The following SSBP2 variants were observed in gnomAD, a reference collection of about 807,000 sequenced individuals.
SSBP2 encodes single stranded DNA binding protein 2, also known as single-stranded DNA-binding protein 2.
A neutral mutation model predicts 61.8 loss-of-function variants in SSBP2; 17 were observed. The observed-to-expected ratio is 0.28, with a 90% confidence interval of 0.19 to 0.41. The LOEUF (loss-of-function observed/expected upper bound fraction) is 0.41. Among genes scored for constraint, SSBP2 ranks in the 10% least tolerant of loss-of-function variants. The pLI is 1.00. For synonymous variants in SSBP2, 139 were observed against 141.3 expected (o/e 0.98, Z 0.12); for missense variants, 310 against 458.7 (o/e 0.68, Z 2.96).
chr5:81,524,115 C>T (rs970036286), intron 4 of SSBP2, among the ~76,000 whole-genome samples: 1 of 151,920 alleles, frequency 6.6e-6, no homozygotes, highest in African/African-American at 2.4e-5. Flanking sequence ...TATAGTCATC[C>T]CTTAGGAAAA....
chr5:81,696,183 C>T (rs752823996), intron 1 of SSBP2, among the ~76,000 whole-genome samples: 11 of 152,186 alleles, frequency 7.2e-5, no homozygotes, highest in Non-Finnish European at 1.5e-4. Context: ...CTTCCCCACT[C>T]CTGACTCCAC....
At chr5:81,749,985 C>T (rs1467164081) in intron 1 of SSBP2, among the ~76,000 whole-genome samples, 1 of 152,100 alleles carries the variant, frequency 6.6e-6, no homozygotes, top group African/African-American at 2.4e-5. Flanking sequence ...TCCTCGGGCG[C>T]CCCCGGCGGC....
At chr5:81,600,108 G>C (rs554851275) in intron 4 of SSBP2, among the ~76,000 whole-genome samples, 1 of 152,156 alleles carries the variant, frequency 6.6e-6, no homozygotes, top group African/African-American at 2.4e-5. Flanking sequence ...GATTAAGATG[G>C]TCTAACTGCC....
chr5:81,422,051 T>C (rs758341373), intron 16 of SSBP2, among the ~76,000 whole-genome samples: 3 of 152,116 alleles, frequency 2.0e-5, no homozygotes, highest in Non-Finnish European at 4.4e-5. Context: ...AAACGTTTTA[T>C]TGGAAACCTA....
intron 4 of SSBP2, among the ~76,000 whole-genome samples, chr5:81,585,423 T>C (rs1470050529): frequency 6.6e-6 from 1 of 152,152 alleles, no homozygotes; most frequent in Admixed American, 6.6e-5. Context: ...TTCTAAAATT[T>C]CATTTGCAAA....
At chr5:81,697,114 T>G (rs1031657684) in intron 1 of SSBP2, among the ~76,000 whole-genome samples, 4 of 152,230 alleles carry the variant, frequency 2.6e-5, no homozygotes, top group African/African-American at 7.2e-5. Context: ...AATTTTAATT[T>G]ATCAAAGGCC....
chr5:81,691,720 G>T (rs1012960174), intron 1 of SSBP2, among the ~76,000 whole-genome samples: 2 of 152,066 alleles, frequency 1.3e-5, no homozygotes, highest in African/African-American at 4.8e-5. Context: ...TAGAAGACTG[G>T]TATTACTCTG....
chr5:81,491,921 G>C (rs969705537), intron 5 of SSBP2, among the ~76,000 whole-genome samples: 1 of 152,070 alleles, frequency 6.6e-6, no homozygotes, highest in Non-Finnish European at 1.5e-5. Flanking sequence ...ATGTTATCTA[G>C]ATAACCACCT....
intron 1 of SSBP2, among the ~76,000 whole-genome samples, chr5:81,651,380 G>A (rs1208143123): frequency 4.6e-5 from 7 of 152,052 alleles, no homozygotes; most frequent in Non-Finnish European, 7.4e-5. Context: ...AACATATCAT[G>A]CATCTGTCAT....
chr5:81,609,688 A>G (rs1745253327), intron 4 of SSBP2, among the ~76,000 whole-genome samples: 1 of 152,160 alleles, frequency 6.6e-6, no homozygotes, highest in Non-Finnish European at 1.5e-5. Flanking sequence ...AAACCCACAG[A>G]CTAGATTGAG....
At chr5:81,653,420 G>A (rs936197431) in intron 1 of SSBP2, among the ~76,000 whole-genome samples, 2 of 152,158 alleles carry the variant, frequency 1.3e-5, no homozygotes, top group Non-Finnish European at 2.9e-5. Flanking sequence ...GTGTGCATGT[G>A]TCTTTTTAGT....
At chr5:81,646,420 ATTT>A (rs1749269384) in intron 2 of SSBP2, among the ~76,000 whole-genome samples, 2 of 152,090 alleles carry the variant, frequency 1.3e-5, no homozygotes, top group African/African-American at 4.8e-5. Context: ...CCATGGAACT[ATTT>A]TGATTTAGGT....
At chr5:81,453,546 C>T (rs1371681371) in intron 10 of SSBP2, among the ~76,000 whole-genome samples, 1 of 151,430 alleles carries the variant, frequency 6.6e-6, no homozygotes, top group East Asian at 1.9e-4. Context: ...AGGCTCCGCC[C>T]CCCGGGTTCA....
At chr5:81,451,794 A>G (rs75202415) in intron 10 of SSBP2, among the ~76,000 whole-genome samples, 2,698 of 152,254 alleles carry the variant, frequency 0.018, 45 homozygotes, top group South Asian at 0.098. Flanking sequence ...ATAAACATTT[A>G]AAAATACTTT....
chr5:81,612,430 T>C (rs1010708365), intron 4 of SSBP2, among the ~76,000 whole-genome samples: 1 of 152,138 alleles, frequency 6.6e-6, no homozygotes, highest in South Asian at 2.1e-4. Flanking sequence ...AAATAATTAA[T>C]AATTGCAGAT....
At chr5:81,458,757 T>C (rs1431147326) in intron 10 of SSBP2, among the ~76,000 whole-genome samples, 3 of 152,134 alleles carry the variant, frequency 2.0e-5, no homozygotes, top group Non-Finnish European at 4.4e-5. Context: ...TGATCCATGG[T>C]TTTTGGGGAA....
intron 8 of SSBP2, among the ~76,000 whole-genome samples, chr5:81,472,561 TACTC>T (rs1308823513): frequency 2.7e-4 from 41 of 152,180 alleles, no homozygotes; most frequent in Admixed American, 2.7e-3. Flanking sequence ...ATTTTATACT[TACTC>T]TTTAATATTT....
intron 4 of SSBP2, among the ~76,000 whole-genome samples, chr5:81,576,647 C>T (rs1021825174): frequency 2.0e-5 from 3 of 152,072 alleles, no homozygotes; most frequent in African/African-American, 7.2e-5. Flanking sequence ...AAATCTCCTT[C>T]CTCAGAAACA....
At chr5:81,462,738 T>C (rs1162980311) in intron 9 of SSBP2, among the ~76,000 whole-genome samples, 1 of 152,158 alleles carries the variant, frequency 6.6e-6, no homozygotes, top group African/African-American at 2.4e-5. Context: ...GGTAGTAAGG[T>C]ACATCCACAT....
Sources: allele counts gnomAD v4.1 joint callset (sites outside exome capture counted in the v4.1 genomes callset), GRCh38; gene constraint gnomAD v4.1.1; transcripts MANE v1.5; gene names NCBI Gene and HGNC (gene_info 2026-07-23, HGNC 2026-07-21).